Variants in PDZD8 observed in about 807,000 individuals in gnomAD.
The protein encoded by PDZD8 is PDZ domain containing 8.
In PDZD8, 14 loss-of-function variants were observed where a neutral mutation model predicts 85.8. The observed-to-expected ratio is 0.16, with a 90% CI of 0.11 to 0.26. The LOEUF is 0.26. Among genes scored for constraint, PDZD8 ranks in the 10% least tolerant of loss-of-function variants. The pLI is 1.00. For missense variants in PDZD8, 1,197 were observed against 1,424.3 expected, an observed-to-expected ratio of 0.84 and a Z score of 2.57; for synonymous variants, 592 against 568.6, an observed-to-expected ratio of 1.04 and a Z score of -0.59.
At chr10:117,366,610 C>A (rs1845096124) in intron 1 of PDZD8, among the ~76,000 whole-genome samples, 1 of 152,010 alleles carries the variant, frequency 6.6e-6, no homozygotes. Context: ...CCACCACCAC[C>A]ACCAGTACTT....
intron 3 of PDZD8, among the ~76,000 whole-genome samples, chr10:117,315,587 CA>C (rs35866840): frequency 1.1e-3 from 45 of 42,102 alleles, no homozygotes; most frequent in Admixed American, 1.9e-3. Context: ...TAGACTCTCT[CA>C]AAAAAAAAAA....
chr10:117,286,910 C>T (rs775844345), intron 4 of PDZD8, among the ~76,000 whole-genome samples: 37 of 152,192 alleles, frequency 2.4e-4, no homozygotes, highest in Non-Finnish European at 1.3e-4. Context: ...GTGTTCAGGG[C>T]TGCTTAGCAT....
intron 3 of PDZD8, among the ~76,000 whole-genome samples, chr10:117,314,514 C>T (rs1844090792): frequency 6.6e-6 from 1 of 152,192 alleles, no homozygotes; most frequent in Admixed American, 6.5e-5. Flanking sequence ...TCACTTACAG[C>T]TTCTCCCCAA....
At position 117,290,297 on chromosome 10, in the gene PDZD8, C is replaced by A. The variant is rs1203432974; in HGVS notation, c.1150G>T (p.Val384Phe). The change falls in exon 4 of 5, where the codon GTC (valine) becomes TTC (phenylalanine). Residue 384 changes from valine (V) to phenylalanine (F), a missense_variant. This residue lies in a region of PDZD8 where 344 missense variants were observed against 453.6 expected (regional missense o/e 0.76). Transcript: ENST00000334464. Reference protein sequence around the residue: ...LQSVGLTLRLVQSTDGYAGHV... With the variant: ...LQSVGLTLRLFQSTDGYAGHV... ...CCAGCATACCCATCAGTTGACTGGA[C>A]AAGACGAAGTGTAAGTCCAACACTT... 1.2e-6 allele frequency: 2 copies of A among 1,613,150 alleles called. No individual in the cohort carries two copies. The highest frequency in any genetic ancestry group is 1.7e-6 in the Non-Finnish European group (2 of 1,179,554).
intron 1 of PDZD8, among the ~76,000 whole-genome samples, chr10:117,356,258 C>A (rs1194617647): frequency 6.6e-6 from 1 of 151,206 alleles, no homozygotes; most frequent in Non-Finnish European, 1.5e-5. Context: ...TTCTTAACAT[C>A]ATTTAATAAG....
intron 3 of PDZD8, among the ~76,000 whole-genome samples, chr10:117,308,461 C>T (rs1179238827): frequency 6.6e-6 from 1 of 152,016 alleles, no homozygotes; most frequent in Admixed American, 6.6e-5. Flanking sequence ...CAAAAGAGGT[C>T]AATCAGGTTA....
chr10:117,322,728 C>G (rs1418476181), intron 2 of PDZD8, among the ~76,000 whole-genome samples: 2 of 152,056 alleles, frequency 1.3e-5, no homozygotes, highest in Non-Finnish European at 2.9e-5. Context: ...AAGCCATAAC[C>G]TGACTGGTGG....
At chr10:117,319,605 C>T (rs529079650) in intron 2 of PDZD8, among the ~76,000 whole-genome samples, 16 of 151,944 alleles carry the variant, frequency 1.1e-4, no homozygotes, top group Non-Finnish European at 2.4e-4. Context: ...ACTAAGTGCT[C>T]AATAAATGTT....
intron 1 of PDZD8, among the ~76,000 whole-genome samples, chr10:117,347,471 T>C (rs886840083): frequency 6.6e-6 from 1 of 152,190 alleles, no homozygotes; most frequent in Non-Finnish European, 1.5e-5. Flanking sequence ...TTAAATGTAT[T>C]TGATTGAAGT....
chr10:117,363,659 A>C (rs1035929041), intron 1 of PDZD8, among the ~76,000 whole-genome samples: 4 of 152,178 alleles, frequency 2.6e-5, no homozygotes, highest in Non-Finnish European at 2.9e-5. Context: ...TATTTTTACT[A>C]TGCTATTCAA....
intron 2 of PDZD8, among the ~76,000 whole-genome samples, chr10:117,329,364 T>C (rs1295984295): frequency 3.3e-5 from 5 of 152,186 alleles, no homozygotes; most frequent in Non-Finnish European, 7.4e-5. Flanking sequence ...AGTATTCTTT[T>C]AAAGGCAAAG....
chr10:117,294,807 A>T (rs1843727913), intron 3 of PDZD8, among the ~76,000 whole-genome samples: 1 of 152,140 alleles, frequency 6.6e-6, no homozygotes, highest in Admixed American at 6.5e-5. Flanking sequence ...AATCTAAAAA[A>T]CTTGATCTCA....
At chr10:117,304,958 C>T (rs1284434180) in intron 3 of PDZD8, among the ~76,000 whole-genome samples, 2 of 152,174 alleles carry the variant, frequency 1.3e-5, no homozygotes, top group African/African-American at 4.8e-5. Context: ...ACTGGGTCTG[C>T]TGATGCTCAA....
intron 1 of PDZD8, among the ~76,000 whole-genome samples, chr10:117,361,900 TA>T: frequency 6.6e-6 from 1 of 152,182 alleles, no homozygotes. Flanking sequence ...AGAGATGATT[TA>T]AAGTATACAG....
At chr10:117,306,352 T>C (rs1843943224) in intron 3 of PDZD8, among the ~76,000 whole-genome samples, 1 of 152,240 alleles carries the variant, frequency 6.6e-6, no homozygotes, top group African/African-American at 2.4e-5. Flanking sequence ...AATGATTACC[T>C]TGCAATATAC....
chr10:117,287,581 T>C (rs1381342561), intron 4 of PDZD8, among the ~76,000 whole-genome samples: 1 of 152,208 alleles, frequency 6.6e-6, no homozygotes, highest in East Asian at 1.9e-4. Context: ...GTTAACTCAA[T>C]TTGAATCCTA....
intron 3 of PDZD8, among the ~76,000 whole-genome samples, chr10:117,302,944 G>A (rs971400282): frequency 1.3e-5 from 2 of 152,126 alleles, no homozygotes; most frequent in Admixed American, 6.6e-5. Context: ...TCTTTCTTTT[G>A]TAAAATGCCC....
chr10:117,316,151 T>C (rs1282661881), intron 3 of PDZD8, among the ~76,000 whole-genome samples: 1 of 152,210 alleles, frequency 6.6e-6, no homozygotes, highest in African/African-American at 2.4e-5. Context: ...ATGAGGAATC[T>C]TCATTATTTT....
At chr10:117,330,948 A>T (rs1844411449) in intron 2 of PDZD8, among the ~76,000 whole-genome samples, 1 of 152,158 alleles carries the variant, frequency 6.6e-6, no homozygotes, top group Non-Finnish European at 1.5e-5. Flanking sequence ...TAGTTTCCTG[A>T]ATCTTATCCA....
Sources: gnomAD v4.1 joint callset for allele counts (sites outside exome capture counted in the v4.1 genomes callset) on GRCh38, gnomAD v4.1.1 for gene constraint, gnomAD v4.1.1 regional missense constraint, MANE v1.5 for transcripts, NCBI Gene and HGNC (gene_info 2026-07-23, HGNC 2026-07-21) for gene names.